The following GLIPR1 variants were observed in gnomAD, a reference collection of about 807,000 sequenced individuals.
GLIPR1 encodes glioma pathogenesis-related protein 1.
Under a neutral mutation model 30.3 loss-of-function variants are expected in GLIPR1, and 38 were observed. That is an observed-to-expected ratio of 1.26 (90% CI 0.97 to 1.65). The LOEUF (loss-of-function observed/expected upper bound fraction) is 1.65. GLIPR1 is among the 40% of genes most tolerant of loss of function. GLIPR1 has a pLI of 0.00. For synonymous variants in GLIPR1, 122 were observed against 110.6 expected (o/e 1.10, Z -0.65); for missense variants, 285 against 326.5 (o/e 0.87, Z 0.98).
chr12:75,496,725 T>A (rs1284377620), intron 4 of GLIPR1: 19 of 152,190 alleles, frequency 1.2e-4, no homozygotes, highest in Non-Finnish European at 2.9e-5. Context: ...CAAGTTCCAC[T>A]GCACGAAATT....
At position 75,480,880 on chromosome 12, in the gene GLIPR1, C is replaced by T; in HGVS notation, c.-1C>T. ...TCCCAAGGCTCCATGCCAGACAAAG[C>T]ATGCGTGTCACACTTGCTACAATAG... On this transcript the variant is annotated 5_prime_UTR_variant, in exon 1 of 6. Transcript: ENST00000266659. 6.2e-7 allele frequency: 1 copy of T among 1,607,386 alleles called. No homozygotes were observed. Among genetic ancestry groups the T allele is most frequent in the Non-Finnish European group, 8.5e-7 (1 of 1,175,394 alleles).
chr12:75,498,871 A>AGAT lies in GLIPR1; in HGVS notation c.695_697dup (p.Arg232_Tyr233insTer), dbSNP rs764411297. ...AGGCTGGCCCATATATCCACGTAAC[A>AGAT]GATACACTTCTCTCTTTCTCATTGT... On this transcript the variant is annotated stop_gained and inframe_insertion, in exon 6 of 6. Transcript: ENST00000266659. LOFTEE classifies it low-confidence loss of function (END_TRUNC). The AGAT allele has an allele frequency of 6.2e-7, 1 of 1,611,374 alleles. No homozygotes were observed. Among genetic ancestry groups the AGAT allele is most frequent in the Non-Finnish European group, 8.5e-7 (1 of 1,177,810 alleles).
In GLIPR1 at chr12:75,499,845, C is replaced by CA; in HGVS notation, c.*868dup. The CA allele has an allele frequency of 6.2e-7, 1 of 1,606,516 alleles. No homozygotes were observed. The highest frequency in any genetic ancestry group is 8.5e-7 in the Non-Finnish European group (1 of 1,177,036). Reference sequence around the variant, plus strand: ...TCTTCTTTTTCTTTTCATCTGCCTCCATCTTAAGTGCAATTTCTTCAGCTG... The same window carrying CA: ...TCTTCTTTTTCTTTTCATCTGCCTCCAATCTTAAGTGCAATTTCTTCAGCTG... On this transcript the variant is annotated 3_prime_UTR_variant, in exon 6 of 6. Transcript: ENST00000266659.
chr12:75,483,219 TAA>T (rs1312324277), intron 2 of GLIPR1, among the ~76,000 whole-genome samples: 1 of 152,196 alleles, frequency 6.6e-6, no homozygotes, highest in East Asian at 1.9e-4. Context: ...AACCAGGAAA[TAA>T]GTTTCCTTGG....
rs959011339 is a variant in GLIPR1 at position 75,490,453 on chromosome 12, C to A, written c.468C>A (p.Cys156Ter). The stretch of plus-strand genomic sequence containing the variant: ...AAGTTGGCTGCGCAGTTCAATTTTG[C>A]CCTAAAGTTTCTGGCTTTGACGCTC... ...SYKVGCAVQFCPKVSGFDALS... is the reference protein window; with the variant it reads ...SYKVGCAVQF Residue 156 changes from cysteine (C) to a stop codon, truncating the protein, a stop_gained, in exon 3 of 6, where the codon TGC becomes TGA. Transcript: ENST00000266659. LOFTEE classifies it high-confidence loss of function. 2.5e-6 allele frequency: 4 copies of A among 1,605,920 alleles called. No individual in the cohort carries two copies. Among genetic ancestry groups the A allele is most frequent in the Admixed American group, 1.7e-5 (1 of 59,660 alleles).
chr12:75,486,345 T>A (rs1236181073), intron 2 of GLIPR1, among the ~76,000 whole-genome samples: 2 of 152,182 alleles, frequency 1.3e-5, no homozygotes, highest in Non-Finnish European at 2.9e-5. Flanking sequence ...GTTAAGAATT[T>A]TTAAGCCTAA....
intron 2 of GLIPR1, 69 bp downstream of exon 2, chr12:75,482,148 G>T: frequency 1.5e-6 from 2 of 1,370,996 alleles, no homozygotes; most frequent in South Asian, 2.5e-5. Context: ...GTACTATGAA[G>T]TTAAGAAAAT....
intron 4 of GLIPR1, chr12:75,496,308 T>C (rs1392922600): frequency 6.6e-6 from 1 of 151,908 alleles, no homozygotes; most frequent in African/African-American, 2.4e-5. Flanking sequence ...TGAGCAGAGA[T>C]TGTACCACTG....
At chr12:75,498,656 C>A in intron 4 of GLIPR1, 38 bp from the exon 5 acceptor site, 1 of 1,567,426 alleles carries the variant, frequency 6.4e-7, no homozygotes, top group South Asian at 1.1e-5. Context: ...TGTGTCTACC[C>A]TTTTAATTTT....
chr12:75,498,425 G>A (rs754188138), intron 4 of GLIPR1: 34 of 317,668 alleles, frequency 1.1e-4, no homozygotes, highest in Admixed American at 6.6e-4. Context: ...TACCTGCTAG[G>A]TATGATGTGT....
At chr12:75,497,075 T>C (rs565529068) in intron 4 of GLIPR1, 1 of 152,352 alleles carries the variant, frequency 6.6e-6, no homozygotes, top group East Asian at 1.9e-4. Flanking sequence ...CCAGTATACA[T>C]AAGGGCTAAA....
intron 2 of GLIPR1, 80 bp downstream of exon 2, chr12:75,482,159 G>A (rs1258604119): frequency 2.5e-6 from 3 of 1,208,194 alleles, no homozygotes; most frequent in Admixed American, 1.9e-5. Flanking sequence ...TTAAGAAAAT[G>A]TATAGTATGC....
rs1594065542 is a variant in GLIPR1, at chr12:75,500,450, G to C, written c.*1472G>C. On this transcript the variant is annotated 3_prime_UTR_variant, in exon 6 of 6. Transcript: ENST00000266659. ...TCTAATATCAAAACGAAAATTTAAA[G>C]TTTTCCAAATATTAATTCAATATTA... The C allele has an allele frequency of 6.6e-6, 1 of 151,378 alleles. No individual in the cohort carries two copies. The highest frequency in any genetic ancestry group is 1.9e-4 in the East Asian group (1 of 5,154). 9.4% of individuals were successfully genotyped at this position (151,378 alleles called of 1,614,324 possible).
intron 3 of GLIPR1, chr12:75,494,591 T>C (rs141088185): frequency 2.6e-5 from 4 of 152,224 alleles, no homozygotes; most frequent in Non-Finnish European, 1.5e-5. Context: ...TATAATCCTA[T>C]GTATTTTATG....
In GLIPR1 at chr12:75,499,783, G is replaced by C; in HGVS notation, c.*805G>C. On this transcript the variant is annotated 3_prime_UTR_variant, in exon 6 of 6. Coordinates refer to ENST00000266659, the MANE Select transcript of GLIPR1 (RefSeq NM_006851.3). ...TCAAAATCCTTTACAAAAGGAGATA[G>C]TTCTAGTCAAGGAGTTTTGGGTATG... The C allele has an allele frequency of 1.3e-6, 2 of 1,561,914 alleles. No homozygotes were observed. Among genetic ancestry groups the C allele is most frequent in the Non-Finnish European group, 1.7e-6 (2 of 1,153,072 alleles).
intron 2 of GLIPR1, chr12:75,483,786 G>A (rs779639477): frequency 4.6e-5 from 7 of 152,202 alleles, no homozygotes; most frequent in Non-Finnish European, 8.8e-5. Flanking sequence ...AAAGGGAAGA[G>A]AATTCTCAGC....
At position 75,495,663 on chromosome 12, in the gene GLIPR1, G is replaced by A; in HGVS notation, c.619+1G>A. On this transcript the variant is annotated splice_donor_variant, in intron 4 of 5. Transcript: ENST00000266659. LOFTEE classifies it high-confidence loss of function. ...GACAAGTGTTTGGACAATCTCTGTG[G>A]TGAGTAAAAGGAACAATACACCAAT... The A allele has an allele frequency of 6.4e-7, 1 of 1,566,704 alleles. No homozygotes were observed. The highest frequency in any genetic ancestry group is 8.8e-7 in the Non-Finnish European group (1 of 1,137,196).
chr12:75,498,873 A>C lies in GLIPR1; in HGVS notation c.696A>C (p.Arg232Ser), dbSNP rs2046369770. 6.2e-7 allele frequency: 1 copy of C among 1,611,054 alleles called. No homozygotes were observed. Among genetic ancestry groups the C allele is most frequent in the African/African-American group, 1.3e-5 (1 of 74,808 alleles). ...GCTGGCCCATATATCCACGTAACAGATACACTTCTCTCTTTCTCATTGTTA... is the reference window on the plus strand; with the variant it reads ...GCTGGCCCATATATCCACGTAACAGCTACACTTCTCTCTTTCTCATTGTTA... ...YPGWPIYPRN[R>S]YTSLFLIVNS... The change falls in exon 6 of 6, where the codon AGA becomes AGC. Residue 232 changes from arginine to serine, a missense_variant. Coordinates refer to ENST00000266659, the MANE Select transcript of GLIPR1 (RefSeq NM_006851.3).
rs368416212 is a variant in GLIPR1, at chr12:75,495,538, C to T, written c.534-39C>T. ...ATAGTAAATTGCAATTTTAAAAAAC[C>T]GAAAAACTTCTAATGGACATCCTTC... is the stretch of plus-strand genomic sequence containing the variant. On this transcript the variant is annotated intron_variant, in intron 3 of 5. Transcript: ENST00000266659. The T allele has an allele frequency of 1.1e-5, 13 of 1,216,468 alleles. No homozygotes were observed. In the East Asian group the frequency reaches 1.4e-4, roughly 13 times the overall value. 75.4% of individuals were successfully genotyped at this position (1,216,468 alleles called of 1,614,324 possible).
Sources: gnomAD v4.1 joint callset for allele counts (sites outside exome capture counted in the v4.1 genomes callset) on GRCh38, gnomAD v4.1.1 for gene constraint, MANE v1.5 for transcripts, NCBI Gene and HGNC (gene_info 2026-07-23, HGNC 2026-07-21) for gene names.